The following UNC93A variants were observed in gnomAD, a reference collection of about 807,000 sequenced individuals.
The protein encoded by UNC93A is unc-93 homolog A.
UNC93A carries 43 observed loss-of-function variants against 47.5 expected under a neutral mutation model. The ratio of observed to expected loss-of-function variants is 0.91; its 90% CI spans 0.71 to 1.17. UNC93A has a LOEUF of 1.17. Among genes scored for constraint, UNC93A ranks in the 50% most tolerant of loss-of-function variants. The probability of loss-of-function intolerance (pLI) is 0.00; values close to 1 mark genes in which losing one functional copy is unlikely to be tolerated. For missense variants in UNC93A, 605 were observed against 577.6 expected (o/e 1.05, Z -0.49); for synonymous variants, 280 against 258.0 (o/e 1.09, Z -0.82).
upstream of UNC93A, among the ~76,000 whole-genome samples, chr6:167,269,385 A>G (rs892826528): frequency 2.0e-5 from 3 of 152,202 alleles, no homozygotes; most frequent in Non-Finnish European, 2.9e-5. Flanking sequence ...CGAACTGCAA[A>G]TTGAGAAATT....
At chr6:167,276,339 G>T (rs954041702) in intron 1 of UNC93A, among the ~76,000 whole-genome samples, 1 of 152,064 alleles carries the variant, frequency 6.6e-6, no homozygotes, top group African/African-American at 2.4e-5. Flanking sequence ...TTGATATACT[G>T]ACTTCCTTCC....
upstream of UNC93A, among the ~76,000 whole-genome samples, chr6:167,290,474 C>T (rs139006418): frequency 9.8e-5 from 15 of 152,316 alleles, no homozygotes; most frequent in Admixed American, 3.9e-4. Flanking sequence ...AAACAATCTG[C>T]AGACATCAAG....
chr6:167,270,739 G>A (rs1379394203), upstream of UNC93A, among the ~76,000 whole-genome samples: 3 of 152,190 alleles, frequency 2.0e-5, no homozygotes, highest in East Asian at 1.9e-4. Flanking sequence ...ACTTGAGGAC[G>A]AAGGCAGAGG....
intron 7 of UNC93A, 104 bp downstream of exon 7, chr6:167,308,014 G>C: frequency 6.7e-7 from 1 of 1,492,010 alleles, no homozygotes; most frequent in Admixed American, 2.1e-5. Context: ...AGCCAAGAGA[G>C]ATGAGTTGGG....
upstream of UNC93A, among the ~76,000 whole-genome samples, chr6:167,286,470 C>T (rs942413861): frequency 1.3e-5 from 2 of 152,312 alleles, no homozygotes; most frequent in Non-Finnish European, 2.9e-5. Context: ...AGAAGCCACG[C>T]GCTGCAATAG....
At chr6:167,276,464 A>C (rs910117135) in intron 1 of UNC93A, among the ~76,000 whole-genome samples, 1 of 152,154 alleles carries the variant, frequency 6.6e-6, no homozygotes, top group Non-Finnish European at 1.5e-5. Context: ...TTACATTCCT[A>C]CCAATAGTTT....
At chr6:167,270,757 G>A (rs1446382509), upstream of UNC93A, among the ~76,000 whole-genome samples, 1 of 152,186 alleles carries the variant, frequency 6.6e-6, no homozygotes, top group Non-Finnish European at 1.5e-5. Flanking sequence ...AGGTTGGGGT[G>A]ACGCGTCTAC....
intron 1 of UNC93A, among the ~76,000 whole-genome samples, chr6:167,273,849 G>A (rs113459697): frequency 1.8e-3 from 187 of 102,386 alleles, no homozygotes; most frequent in Non-Finnish European, 3.1e-3. Flanking sequence ...GGAAATATCT[G>A]GGTTAGGATA....
intron 1 of UNC93A, among the ~76,000 whole-genome samples, chr6:167,285,920 G>C (rs73262999): frequency 0.019 from 2,902 of 148,844 alleles, 123 homozygotes; most frequent in African/African-American, 0.068. Flanking sequence ...TCTATGTCCA[G>C]TGAAGAGTTA....
chr6:167,315,089 G>A, intron 7 of UNC93A, 98 bp from the exon 8 acceptor site: 1 of 1,516,632 alleles, frequency 6.6e-7, no homozygotes, highest in Non-Finnish European at 8.9e-7. Context: ...TCTTGATTTA[G>A]TTGAGAAAAT....
chr6:167,289,223 G>A (rs558671090), upstream of UNC93A, among the ~76,000 whole-genome samples: 1 of 152,374 alleles, frequency 6.6e-6, no homozygotes, highest in African/African-American at 2.4e-5. Flanking sequence ...CGGGAAGGCA[G>A]CCTCAGGGGT....
chr6:167,300,484 G>T (rs1778211853), intron 4 of UNC93A, among the ~76,000 whole-genome samples: 1 of 152,114 alleles, frequency 6.6e-6, no homozygotes, highest in South Asian at 2.1e-4. Context: ...GGCTGGACGA[G>T]GCTCTTAGCC....
chr6:167,309,936 AG>A (rs1265033006), intron 7 of UNC93A, among the ~76,000 whole-genome samples: 1 of 152,176 alleles, frequency 6.6e-6, no homozygotes, highest in African/African-American at 2.4e-5. Flanking sequence ...GGAGGCTGGA[AG>A]GGGTAGACTG....
At chr6:167,294,475 T>C (rs1040012239) in intron 1 of UNC93A, 42 bp from the exon 2 acceptor site, 4 of 1,609,306 alleles carry the variant, frequency 2.5e-6, no homozygotes, top group Non-Finnish European at 3.4e-6. Context: ...CATCCCGCTG[T>C]GTCCATCCTG....
At chr6:167,286,083 ATATCT>A (rs747183992) in intron 1 of UNC93A, among the ~76,000 whole-genome samples, 13 of 146,074 alleles carry the variant, frequency 8.9e-5, no homozygotes, top group African/African-American at 1.7e-4. Context: ...ATATATATAC[ATATCT>A]TATATTCACA....
chr6:167,311,480 G>A (rs1778554208), intron 7 of UNC93A, among the ~76,000 whole-genome samples: 1 of 152,230 alleles, frequency 6.6e-6, no homozygotes, highest in Non-Finnish European at 1.5e-5. Context: ...CAGTTGCCAT[G>A]GCAACCCTTC....
rs534992815 is a variant in UNC93A at position 167,307,818 on chromosome 6, T to C, written c.1016T>C (p.Leu339Pro). The C allele has an allele frequency of 1.2e-6, 2 of 1,614,136 alleles. No individual in the cohort carries two copies. Among genetic ancestry groups the C allele is most frequent in the Admixed American group, 3.3e-5 (2 of 60,030 alleles). The change falls in exon 7 of 8, where the codon CTG becomes CCG. Residue 339 changes from leucine to proline, a missense_variant. By Grantham distance (98) the Leu-to-Pro change is moderately conservative. Transcript: ENST00000230256. ...GTGTCCTGCATGATTGCCCTACTGC[T>C]GTGGAGACCTCGTGCTGACCATCTG... ...THVSCMIALL[L>P]WRPRADHLAV...
chr6:167,315,066 A>G (rs1048401589), intron 7 of UNC93A, 121 bp from the exon 8 acceptor site: 1 of 1,436,532 alleles, frequency 7.0e-7, no homozygotes, highest in African/African-American at 1.4e-5. Flanking sequence ...TCTGTTGTGA[A>G]AAAAGAAAAA....
At chr6:167,288,665 A>T (rs890369029), upstream of UNC93A, among the ~76,000 whole-genome samples, 2 of 152,218 alleles carry the variant, frequency 1.3e-5, no homozygotes, top group African/African-American at 4.8e-5. Flanking sequence ...AAGAAAATTG[A>T]TATTAATTTG....
Sources: gnomAD v4.1 joint callset for allele counts (sites outside exome capture counted in the v4.1 genomes callset) on GRCh38, gnomAD v4.1.1 for gene constraint, MANE v1.5 for transcripts, NCBI Gene and HGNC (gene_info 2026-07-23, HGNC 2026-07-21) for gene names.